Variants in RERE observed in about 807,000 individuals in gnomAD.
RERE encodes the protein arginine-glutamic acid dipeptide repeats, also known as arginine-glutamic acid dipeptide repeats protein.
In RERE, 40 loss-of-function variants were observed where a neutral mutation model predicts 146.1. The ratio of observed to expected loss-of-function variants is 0.27; its 90% confidence interval spans 0.21 to 0.36. The LOEUF (loss-of-function observed/expected upper bound fraction) is 0.36. Among genes scored for constraint, RERE ranks in the 10% least tolerant of loss-of-function variants. The pLI is 1.00. For missense variants in RERE, 1,933 were observed against 2,138.7 expected (o/e 0.90, Z 1.90); for synonymous variants, 1,003 against 866.0 (o/e 1.16, Z -2.78).
At position 8,497,545 on chromosome 1, in the gene RERE, G is replaced by A. The variant is rs751330533; in HGVS notation, c.880-16C>T. On this transcript the variant is annotated splice_polypyrimidine_tract_variant and intron_variant, in intron 8 of 22. Coordinates refer to ENST00000400908, the MANE Select transcript of RERE (RefSeq NM_001042681.2). ...GAAGTTTGGCCTGTAAGACAGGGAT[G>A]AGTAAGTCACAATCAAGGCATGTAT... 14 of 1,613,676 alleles carry A rather than the reference G, an allele frequency of 8.7e-6. No homozygotes were observed. Among genetic ancestry groups the A allele is most frequent in the African/African-American group, 1.3e-5 (1 of 75,026 alleles).
At chr1:8,766,326 G>A (rs941675310) in intron 1 of RERE, among the ~76,000 whole-genome samples, 1 of 151,932 alleles carries the variant, frequency 6.6e-6, no homozygotes, top group Non-Finnish European at 1.5e-5. Flanking sequence ...GACCACTTGA[G>A]GTCGGGAGTT....
At chr1:8,513,908 T>C (rs1412921821) in intron 7 of RERE, among the ~76,000 whole-genome samples, 1 of 152,258 alleles carries the variant, frequency 6.6e-6, no homozygotes, top group Non-Finnish European at 1.5e-5. Context: ...TGGTCTGTCT[T>C]GCCTTTGAAT....
intron 7 of RERE, among the ~76,000 whole-genome samples, chr1:8,513,811 A>G (rs1557667393): frequency 6.6e-6 from 1 of 152,154 alleles, no homozygotes; most frequent in Non-Finnish European, 1.5e-5. Context: ...CAAAAACTCA[A>G]CAAGTAATCA....
Position 8,360,324 on chromosome 1 carries a change from T to A in RERE, c.3183A>T (p.Gly1061=). 1 of 1,523,900 alleles carries A rather than the reference T, an allele frequency of 6.6e-7. No homozygotes were observed. Among genetic ancestry groups the A allele is most frequent in the Non-Finnish European group, 8.8e-7 (1 of 1,134,188 alleles). 94.4% of individuals were successfully genotyped at this position (1,523,900 alleles called of 1,614,324 possible). A position where few individuals can be genotyped will look rare whatever the true frequency, so the allele number is the denominator to read the frequency against. The change falls in exon 18 of 23, where the codon GGA becomes GGT. Residue 1061 remains glycine (G), a synonymous_variant. Transcript: ENST00000400908. ...TCPSTSTPPA[G]PGTSAQPPCS... is the part of the protein sequence containing the mutation. The stretch of plus-strand genomic sequence containing the variant: ...AGGGTGGCTGGGCCGAGGTGCCAGG[T>A]CCCGCCGGTGGGGTAGAGGTGGAGG...
intron 1 of RERE, among the ~76,000 whole-genome samples, chr1:8,726,216 G>A (rs557754149): frequency 8.3e-5 from 11 of 132,246 alleles, no homozygotes; most frequent in South Asian, 2.4e-4. Flanking sequence ...GTGCAGCAGC[G>A]TAATTTCGGC....
intron 12 of RERE, among the ~76,000 whole-genome samples, chr1:8,417,329 T>C (rs996625192): frequency 2.6e-5 from 4 of 152,198 alleles, no homozygotes; most frequent in African/African-American, 9.6e-5. Context: ...AAGAAAAAAG[T>C]ACAGTTAATG....
chr1:8,403,658 C>T (rs1643342209), intron 12 of RERE, among the ~76,000 whole-genome samples: 1 of 151,584 alleles, frequency 6.6e-6, no homozygotes, highest in Non-Finnish European at 1.5e-5. Flanking sequence ...GAGCCACAGC[C>T]CCCAGCCTAT....
At chr1:8,803,188 A>G (rs1262914134) in intron 1 of RERE, among the ~76,000 whole-genome samples, 1 of 152,214 alleles carries the variant, frequency 6.6e-6, no homozygotes, top group Non-Finnish European at 1.5e-5. Context: ...AAAAGAAGTC[A>G]CTGTTCGGCC....
chr1:8,638,787 T>A (rs965519473), intron 2 of RERE, among the ~76,000 whole-genome samples: 446 of 27,700 alleles, frequency 0.016, 1 homozygote, highest in African/African-American at 0.044. Context: ...AAAAAAATTT[T>A]TTTTTTTTTT....
rs767644232 is a variant in RERE, at chr1:8,422,805, T to C, written c.1206A>G (p.Lys402=). Residue 402 remains lysine, a splice_region_variant and synonymous_variant, in exon 12 of 23, where the codon AAA becomes AAG. Transcript: ENST00000400908. ...ACTGCCTGAGTCCCTTAACGAAGCG[T>C]TTCTGTGATAAAAAGAAACAAATGG... ...IEKCWTEDEV[K]RFVKGLRQYG... is the part of the protein sequence containing the mutation. 1.1e-5 allele frequency: 18 copies of C among 1,612,966 alleles called. No individual in the cohort carries two copies. Among genetic ancestry groups the C allele is most frequent in the Non-Finnish European group, 1.5e-5 (18 of 1,179,108 alleles).
intron 1 of RERE, among the ~76,000 whole-genome samples, chr1:8,685,109 A>T (rs1639055850): frequency 6.6e-6 from 1 of 152,126 alleles, no homozygotes; most frequent in African/African-American, 2.4e-5. Flanking sequence ...CCTCTCTTCT[A>T]GGCTGCCCAA....
rs1207096548 is a variant in RERE, at chr1:8,485,163, AC to A, written c.1104+9899del. On this transcript the variant is annotated intron_variant, in intron 10 of 22. Transcript: ENST00000400908. ...GATCACCTGATGTAGGGAGTTCAAG[AC>A]CAGCCTGACCAATATGGAGAAACCC... 2.0e-5 allele frequency among the ~76,000 whole-genome samples: 3 copies of A among 152,150 alleles called. 1 individual carries two copies. Among genetic ancestry groups the A allele is most frequent in the Admixed American group, 2.0e-4 (3 of 15,282 alleles).
At chr1:8,500,953 G>T (rs544987530) in intron 8 of RERE, among the ~76,000 whole-genome samples, 3 of 149,214 alleles carry the variant, frequency 2.0e-5, no homozygotes, top group Non-Finnish European at 4.5e-5. Context: ...CGTCTGAGAA[G>T]TGAGGAGCCC....
chr1:8,425,188 A>G (rs1039710470), intron 11 of RERE: 1 of 152,278 alleles, frequency 6.6e-6, no homozygotes, highest in Non-Finnish European at 1.5e-5. Context: ...CACCTCAGTA[A>G]TCAGAATTCC....
chr1:8,381,650 A>C (rs1324492062), intron 12 of RERE, among the ~76,000 whole-genome samples: 1 of 152,246 alleles, frequency 6.6e-6, no homozygotes, highest in African/African-American at 2.4e-5. Flanking sequence ...AACAAAACAC[A>C]AAGAGTCCCT....
At chr1:8,510,040 AAAG>A (rs138345526) in intron 7 of RERE, among the ~76,000 whole-genome samples, 201 of 152,274 alleles carry the variant, frequency 1.3e-3, no homozygotes, top group African/African-American at 4.6e-3. Flanking sequence ...AGGAAGAAAA[AAAG>A]AAGAGGAGGA....
intron 1 of RERE, among the ~76,000 whole-genome samples, chr1:8,657,084 C>T (rs749877081): frequency 4.6e-5 from 7 of 152,080 alleles, no homozygotes; most frequent in South Asian, 2.1e-4. Flanking sequence ...AGATGGATCA[C>T]GGGGTCAGGA....
intron 1 of RERE, among the ~76,000 whole-genome samples, chr1:8,754,742 T>A (rs1304124424): frequency 2.6e-5 from 4 of 152,070 alleles, no homozygotes; most frequent in Non-Finnish European, 5.9e-5. Flanking sequence ...ACTGTTAACA[T>A]CTGTCTTTCT....
chr1:8,631,331 T>C (rs1054000854), intron 2 of RERE, among the ~76,000 whole-genome samples: 2 of 152,152 alleles, frequency 1.3e-5, no homozygotes, highest in African/African-American at 2.4e-5. Context: ...CCCTGGAGTT[T>C]GAGGTTACAA....
Sources: allele counts gnomAD v4.1 joint callset (sites outside exome capture counted in the v4.1 genomes callset), GRCh38; gene constraint gnomAD v4.1.1; transcripts MANE v1.5; gene names NCBI Gene and HGNC (gene_info 2026-07-23, HGNC 2026-07-21).